FRY: variants seen among roughly 807,000 people sequenced by gnomAD.
FRY encodes the protein protein furry homolog.
In FRY, 128 loss-of-function variants were observed where a neutral mutation model predicts 348.4. The ratio of observed to expected loss-of-function variants is 0.37; its 90% CI spans 0.32 to 0.43. The LOEUF (loss-of-function observed/expected upper bound fraction) is 0.43, where lower values mean the gene tolerates loss of function less well. FRY is among the 20% of genes least tolerant of loss of function. The pLI is 1.00. For missense variants in FRY, 2,736 were observed against 3,695.2 expected, an observed-to-expected ratio of 0.74 and a Z score of 6.73; for synonymous variants, 1,370 against 1,374.7, an observed-to-expected ratio of 1.00 and a Z score of 0.08.
chr13:32,204,117 G>A (rs1884212421), intron 31 of FRY, among the ~76,000 whole-genome samples: 1 of 152,204 alleles, frequency 6.6e-6, no homozygotes, highest in Admixed American at 6.5e-5. Flanking sequence ...TTAGAACAGA[G>A]GCTTTGGAGT....
At chr13:32,246,537 C>T (rs908670483) in intron 47 of FRY, among the ~76,000 whole-genome samples, 10 of 152,210 alleles carry the variant, frequency 6.6e-5, no homozygotes, top group Non-Finnish European at 1.3e-4. Flanking sequence ...GGGGAGATGA[C>T]CCTTGCAGGC....
intron 2 of FRY, among the ~76,000 whole-genome samples, chr13:32,098,829 A>G (rs1204986946): frequency 1.3e-5 from 2 of 152,090 alleles, no homozygotes; most frequent in Admixed American, 6.5e-5. Context: ...TCTAGATAGT[A>G]TACTCTGAAC....
rs34413710 is a variant in FRY, at chr13:32,133,768, C to CTTTTTTTTTTTTT, written c.886-1126_886-1114dup. Among the ~76,000 whole-genome samples, 600 of 89,262 alleles carry CTTTTTTTTTTTTT rather than the reference C, an allele frequency of 6.7e-3. 3 individuals carry two copies. Among genetic ancestry groups the CTTTTTTTTTTTTT allele is most frequent in the Middle Eastern group, 9.6e-3 (1 of 104 alleles). 58.6% of individuals were successfully genotyped at this position (89,262 alleles called of 152,430 possible). On this transcript the variant is annotated intron_variant, in intron 8 of 60. Transcript: ENST00000542859. ...CTTTCTTTTCTTTCTTTCTTTCTTT[C>CTTTTTTTTTTTTT]TTTTTTTTTTTTTTTTTTTTTTGAA...
intron 15 of FRY, among the ~76,000 whole-genome samples, chr13:32,156,624 G>C (rs1421380020): frequency 6.8e-6 from 1 of 146,432 alleles, no homozygotes; most frequent in East Asian, 2.0e-4. Context: ...AAAAAAAACA[G>C]ATGTAATGCA....
chr13:32,033,028 G>A (rs748010146), intron 1 of FRY, among the ~76,000 whole-genome samples: 1 of 152,162 alleles, frequency 6.6e-6, no homozygotes, highest in East Asian at 1.9e-4. Flanking sequence ...ATTCAGGGAT[G>A]TGCATCTCTA....
rs767762187 is a variant in FRY, at chr13:32,239,312, A to G, written c.6479A>G (p.Asn2160Ser). Residue 2160 changes from asparagine to serine, a missense_variant, in exon 45 of 61, where the codon AAT (asparagine) becomes AGT (serine). Transcript: ENST00000542859. This position sits in a 1 kb window ranked among gnomAD's most constrained non-coding sequence, Gnocchi z 4.3. ...PQLIQHFENP[N>S]QFCKDIAERI... is the part of the protein sequence containing the mutation. ...CTGATTCAGCATTTTGAAAATCCCAATCAGTTCTGTAAGGATATAGCCGAA... is the reference window on the plus strand; with the variant it reads ...CTGATTCAGCATTTTGAAAATCCCAGTCAGTTCTGTAAGGATATAGCCGAA... 15 of 1,611,232 alleles carry G rather than the reference A, an allele frequency of 9.3e-6. No individual in the cohort carries two copies. In the African/African-American group the frequency reaches 1.3e-4, roughly 14 times the overall value.
At position 32,295,655 on chromosome 13, in the gene FRY, C is replaced by A; in HGVS notation, c.*195C>A. ...CTATAAGAACCAAGGTAGCTTAGAA[C>A]GTCCTGGACAGACTCCACTCATCAT... On this transcript the variant is annotated 3_prime_UTR_variant, in exon 61 of 61. Transcript: ENST00000542859. The A allele has an allele frequency of 1.6e-6, 1 of 609,266 alleles. No individual in the cohort carries two copies. The highest frequency in any genetic ancestry group is 2.9e-6 in the Non-Finnish European group (1 of 341,818). 37.7% of individuals were successfully genotyped at this position (609,266 alleles called of 1,614,324 possible).
intron 26 of FRY, 90 bp from the exon 27 acceptor site, chr13:32,186,170 G>A: frequency 1.0e-6 from 1 of 987,190 alleles, no homozygotes; most frequent in Non-Finnish European, 1.6e-6. Context: ...AAAATGAAGT[G>A]GTTCCTTTCC....
chr13:32,095,337 C>CTTTTTT (rs61006034), intron 2 of FRY, among the ~76,000 whole-genome samples: 10 of 58,344 alleles, frequency 1.7e-4, no homozygotes, highest in Non-Finnish European at 2.3e-4. Context: ...TGTATGGAAG[C>CTTTTTT]TTTTTTTTTT....
chr13:32,229,622 C>T (rs1885801303), intron 40 of FRY, among the ~76,000 whole-genome samples: 1 of 152,180 alleles, frequency 6.6e-6, no homozygotes, highest in Non-Finnish European at 1.5e-5. Flanking sequence ...ATTGTCACCA[C>T]TCACCATCTG....
chr13:32,280,282 A>T (rs1888744715), intron 58 of FRY, among the ~76,000 whole-genome samples: 1 of 152,212 alleles, frequency 6.6e-6, no homozygotes, highest in Non-Finnish European at 1.5e-5. Context: ...AATGTCTCCC[A>T]TAAGCAAACA....
In FRY at chr13:32,209,582, T is replaced by C. The variant is rs766925165; in HGVS notation, c.4276-3T>C. 1 of 1,614,020 alleles carries C rather than the reference T, an allele frequency of 6.2e-7. No individual in the cohort carries two copies. Among genetic ancestry groups the C allele is most frequent in the Non-Finnish European group, 8.5e-7 (1 of 1,179,896 alleles). ...TCTTGGGCCGGTTTTTATTTTGTTA[T>C]AGTATGGAGATGAAGTTCCTGGGCC... On this transcript the variant is annotated splice_polypyrimidine_tract_variant and splice_region_variant and intron_variant, in intron 32 of 60. Coordinates refer to ENST00000542859, the MANE Select transcript of FRY (RefSeq NM_023037.3).
At position 32,261,595 on chromosome 13, in the gene FRY, C is replaced by T. The variant is rs576993580; in HGVS notation, c.7417-21C>T. 28 of 1,608,460 alleles carry T rather than the reference C, an allele frequency of 1.7e-5. 1 individual carries two copies. The highest frequency in any genetic ancestry group is 9.3e-5 in the African/African-American group (7 of 74,922). ...GCAAGAGGATTTTGGCATAAAAAAC[C>T]GGCTGATGGTGTGATTTCAGGGTGA... is the stretch of plus-strand genomic sequence containing the variant. On this transcript the variant is annotated intron_variant, in intron 51 of 60. Coordinates refer to ENST00000542859, the MANE Select transcript of FRY (RefSeq NM_023037.3).
chr13:32,221,927 C>T (rs1566144396), intron 36 of FRY, among the ~76,000 whole-genome samples: 1 of 152,088 alleles, frequency 6.6e-6, no homozygotes, highest in African/African-American at 2.4e-5. Context: ...ATGAACAGAA[C>T]AGAAGAAGTC....
At chr13:32,063,702 G>A (rs745309799) in intron 1 of FRY, among the ~76,000 whole-genome samples, 10 of 152,252 alleles carry the variant, frequency 6.6e-5, no homozygotes, top group East Asian at 1.9e-4. Context: ...GCACTTTAAC[G>A]AACTCTGCTT....
intron 3 of FRY, among the ~76,000 whole-genome samples, chr13:32,109,568 A>C (rs1213638679): frequency 6.6e-6 from 1 of 152,158 alleles, no homozygotes; most frequent in Non-Finnish European, 1.5e-5. Context: ...TCACAGACAA[A>C]GGAGAAGTTG....
chr13:32,141,121 G>A (rs1880042170), intron 11 of FRY, among the ~76,000 whole-genome samples: 1 of 152,080 alleles, frequency 6.6e-6, no homozygotes, highest in Non-Finnish European at 1.5e-5. Context: ...TTCCAATAAT[G>A]CACATAAACT....
At chr13:32,209,214 T>G in intron 32 of FRY, 105 bp downstream of exon 32, 4 of 1,266,608 alleles carry the variant, frequency 3.2e-6, no homozygotes, top group Non-Finnish European at 4.6e-6. Flanking sequence ...AAAAATCACA[T>G]GACTGGGGAT....
chr13:32,217,603 C>G (rs909732293), intron 35 of FRY, among the ~76,000 whole-genome samples: 2 of 152,170 alleles, frequency 1.3e-5, no homozygotes, highest in Admixed American at 6.5e-5. Flanking sequence ...GCCATGGTTA[C>G]AGAGCCAGTG....
Sources: gnomAD v4.1 joint callset for allele counts (sites outside exome capture counted in the v4.1 genomes callset) on GRCh38, gnomAD v4.1.1 for gene constraint, Gnocchi (gnomAD v3.1) non-coding constraint, MANE v1.5 for transcripts, NCBI Gene and HGNC (gene_info 2026-07-23, HGNC 2026-07-21) for gene names.